The following FLNB variants were observed in gnomAD, a reference collection of about 807,000 sequenced individuals.
FLNB encodes the protein filamin-B.
A neutral mutation model predicts 250.6 loss-of-function variants in FLNB; 111 were observed. The ratio of observed to expected loss-of-function variants is 0.44; its 90% CI spans 0.38 to 0.52. FLNB has a LOEUF of 0.52. Among genes scored for constraint, FLNB ranks in the 20% least tolerant of loss-of-function variants. FLNB has a pLI of 0.00. For missense variants in FLNB, 2,869 were observed against 3,447.8 expected, an observed-to-expected ratio of 0.83 and a Z score of 4.20; for synonymous variants, 1,302 against 1,372.1, an observed-to-expected ratio of 0.95 and a Z score of 1.13.
rs545768308 is a variant in FLNB at position 58,008,463 on chromosome 3, C to T, written c.-102C>T. ...TGGCTCCGGTAGCAGCAAGTTCGAA[C>T]CCCGCTCCCGCTCCGCTTCGGTTCT... On this transcript the variant is annotated 5_prime_UTR_variant, in exon 1 of 46. Coordinates refer to ENST00000295956, the MANE Select transcript of FLNB (RefSeq NM_001457.4). The T allele has an allele frequency of 5.9e-5, 83 of 1,407,508 alleles. 2 individuals carry two copies. The South Asian group carries it at 1.0e-3, about 17-fold the overall frequency. The allele number at this position is 1,407,508 out of a possible 1,614,324, so 87.2% of individuals were successfully genotyped here.
intron 9 of FLNB, among the ~76,000 whole-genome samples, chr3:58,103,042 A>G (rs561829953): frequency 6.6e-6 from 1 of 152,276 alleles, no homozygotes; most frequent in South Asian, 2.1e-4. Context: ...TGCCTGTGGA[A>G]TCTTGAGCTT....
chr3:58,070,637 A>G (rs755354168), intron 1 of FLNB, among the ~76,000 whole-genome samples: 54 of 147,784 alleles, frequency 3.7e-4, no homozygotes, highest in Non-Finnish European at 7.1e-4. Flanking sequence ...TGTCAAGCAC[A>G]CACCCCATCT....
chr3:58,083,114 A>G (rs746251936), intron 4 of FLNB, among the ~76,000 whole-genome samples: 17 of 152,108 alleles, frequency 1.1e-4, no homozygotes, highest in Non-Finnish European at 2.1e-4. Context: ...GAATTTCTCT[A>G]TTGTCCTAAG....
intron 4 of FLNB, among the ~76,000 whole-genome samples, chr3:58,084,634 A>G (rs935492473): frequency 5.3e-5 from 8 of 152,080 alleles, no homozygotes; most frequent in African/African-American, 1.7e-4. Context: ...AAAATTCACT[A>G]TTTTAACCAT....
intron 28 of FLNB, 42 bp downstream of exon 28, chr3:58,136,210 A>T: frequency 6.2e-7 from 1 of 1,601,590 alleles, no homozygotes; most frequent in Non-Finnish European, 8.6e-7. Flanking sequence ...CAGGCTTTGC[A>T]ATCAGAAAGC....
chr3:58,119,409 A>G (rs1189474633), intron 19 of FLNB, among the ~76,000 whole-genome samples: 1 of 152,206 alleles, frequency 6.6e-6, no homozygotes, highest in Admixed American at 6.5e-5. Context: ...CTGAATCCGC[A>G]CTAAGGTTGC....
intron 24 of FLNB, 92 bp from the exon 25 acceptor site, chr3:58,130,649 G>A: frequency 7.3e-7 from 1 of 1,365,038 alleles, no homozygotes; most frequent in Non-Finnish European, 1.0e-6. Context: ...GCATGGCCGA[G>A]GTCCCGGGGG....
At chr3:58,143,712 C>CAA in intron 32 of FLNB, 99 bp downstream of exon 32, 1 of 1,477,194 alleles carries the variant, frequency 6.8e-7, no homozygotes, top group Non-Finnish European at 9.3e-7. Context: ...CAGCTCTCGG[C>CAA]AGCAGGCTGG....
At chr3:58,067,023 T>C (rs964570311) in intron 1 of FLNB, among the ~76,000 whole-genome samples, 1 of 152,218 alleles carries the variant, frequency 6.6e-6, no homozygotes, top group African/African-American at 2.4e-5. Flanking sequence ...TATGGGCCTA[T>C]AGTAGAAATC....
At chr3:58,097,207 A>G (rs368331883) in intron 6 of FLNB, among the ~76,000 whole-genome samples, 1 of 152,228 alleles carries the variant, frequency 6.6e-6, no homozygotes, top group Non-Finnish European at 1.5e-5. Context: ...TGATGGCCTT[A>G]GCGTTCTCTT....
At chr3:58,120,886 G>A (rs981387823) in intron 19 of FLNB, among the ~76,000 whole-genome samples, 8 of 152,212 alleles carry the variant, frequency 5.3e-5, no homozygotes, top group Non-Finnish European at 1.2e-4. Flanking sequence ...TAACCTCTCT[G>A]AGCATCAGTT....
chr3:58,039,938 A>G (rs1314362725), intron 1 of FLNB, among the ~76,000 whole-genome samples: 5 of 152,178 alleles, frequency 3.3e-5, no homozygotes, highest in African/African-American at 1.2e-4. Flanking sequence ...TGAGGTCAAG[A>G]GTTGAAGACC....
chr3:58,169,852 G>C lies in FLNB; in HGVS notation c.7621+59G>C. ...GGCAGGGGCAGGCTGGGCACCCTGG[G>C]TACACTGGCCTTCCCTGCTGAGGTC... is the stretch of plus-strand genomic sequence containing the variant. On this transcript the variant is annotated intron_variant, in intron 45 of 45. Coordinates refer to ENST00000295956, the MANE Select transcript of FLNB (RefSeq NM_001457.4). The surrounding 1 kb of genome is among the most constrained non-coding windows in gnomAD (Gnocchi z 4.8). 1.4e-6 allele frequency: 2 copies of C among 1,441,626 alleles called. No individual in the cohort carries two copies. The highest frequency in any genetic ancestry group is 1.9e-6 in the Non-Finnish European group (2 of 1,035,564). 89.3% of individuals were successfully genotyped at this position (1,441,626 alleles called of 1,614,324 possible).
chr3:58,112,644 CAT>C (rs1219776053), intron 18 of FLNB, among the ~76,000 whole-genome samples: 3 of 152,248 alleles, frequency 2.0e-5, no homozygotes, highest in South Asian at 2.1e-4. Context: ...CATGTGCACA[CAT>C]GTGCACACAC....
At chr3:58,022,575 G>T (rs745448801) in intron 1 of FLNB, among the ~76,000 whole-genome samples, 16 of 152,192 alleles carry the variant, frequency 1.1e-4, no homozygotes, top group Non-Finnish European at 2.2e-4. Context: ...AATATAGAGA[G>T]AGCCCATACA....
At position 58,103,985 on chromosome 3, in the gene FLNB, A is replaced by C. The variant is rs2097255161; in HGVS notation, c.1510A>C (p.Lys504Gln). 5 of 1,614,038 alleles carry C rather than the reference A, an allele frequency of 3.1e-6. No individual in the cohort carries two copies. The highest frequency in any genetic ancestry group is 8.5e-7 in the Non-Finnish European group (1 of 1,180,038). Residue 504 changes from lysine to glutamine, a missense_variant, in exon 10 of 46, where the codon AAA (lysine) becomes CAA (glutamine). Physicochemically the swap from Lys to Gln is moderately conservative, Grantham distance 53. Around this residue, in one of 5 missense-constraint regions of FLNB, gnomAD observed 1,348 missense variants for 1,466.7 expected, o/e 0.92. Transcript: ENST00000295956. ...PKGLEELVKQ[K>Q]DFLDGVYAFE... ...GGGTCTGGAGGAGCTGGTGAAGCAG[A>C]AAGACTTTCTGGATGGGGTCTACGC...
rs184894515 is a variant in FLNB, at chr3:58,151,553, G to A, written c.6367+1326G>A. 1.6e-4 allele frequency among the ~76,000 whole-genome samples: 24 copies of A among 152,198 alleles called. No homozygotes were observed. The South Asian group carries it at 1.7e-3, about 11-fold the overall frequency. ...CTGGCTGCCCCATCCTCATAGCCAC[G>A]TCTGCTCACTTTCCAGTCACATTGG... On this transcript the variant is annotated intron_variant, in intron 38 of 45. Transcript: ENST00000295956.
chr3:58,059,743 C>T (rs998789439), intron 1 of FLNB, among the ~76,000 whole-genome samples: 1 of 152,180 alleles, frequency 6.6e-6, no homozygotes, highest in African/African-American at 2.4e-5. Context: ...CCGTTTATCA[C>T]GGGCCAGAGT....
intron 40 of FLNB, 21 bp downstream of exon 40, chr3:58,154,949 A>C (rs1027806343): frequency 6.2e-7 from 1 of 1,612,414 alleles, no homozygotes; most frequent in Non-Finnish European, 8.5e-7. Context: ...AGGGTTCACA[A>C]GAGGACATTT....
Sources: gnomAD v4.1 joint callset for allele counts (sites outside exome capture counted in the v4.1 genomes callset) on GRCh38, gnomAD v4.1.1 for gene constraint, gnomAD v4.1.1 regional missense constraint, Gnocchi (gnomAD v3.1) non-coding constraint, MANE v1.5 for transcripts, NCBI Gene and HGNC (gene_info 2026-07-23, HGNC 2026-07-21) for gene names.